Variants in TMEM156 observed in about 807,000 individuals in gnomAD.
The protein encoded by TMEM156 is transmembrane protein 156.
Under a neutral mutation model 30.5 loss-of-function variants are expected in TMEM156, and 28 were observed. That is an observed-to-expected ratio of 0.92 (90% CI 0.68 to 1.26). The LOEUF is 1.26. Ranked by LOEUF, TMEM156 falls within the 50% of genes most tolerant of loss-of-function variation. The probability of loss-of-function intolerance (pLI) is 0.00; values close to 1 mark genes in which losing one functional copy is unlikely to be tolerated. For missense variants in TMEM156, 351 were observed against 340.6 expected, an observed-to-expected ratio of 1.03 and a Z score of -0.24; for synonymous variants, 137 against 119.9, an observed-to-expected ratio of 1.14 and a Z score of -0.93.
intron 4 of TMEM156, among the ~76,000 whole-genome samples, chr4:38,987,104 A>T (rs1327492228): frequency 6.6e-6 from 1 of 152,130 alleles, no homozygotes; most frequent in East Asian, 1.9e-4. Flanking sequence ...CATTTTTTCT[A>T]GCTCACTTCT....
At chr4:39,026,350 T>C (rs1715201912) in intron 1 of TMEM156, among the ~76,000 whole-genome samples, 1 of 114,538 alleles carries the variant, frequency 8.7e-6, no homozygotes, top group African/African-American at 3.7e-5. Flanking sequence ...CCTGTCTCTC[T>C]TAAAAAATTT....
intron 5 of TMEM156, among the ~76,000 whole-genome samples, chr4:38,978,470 T>C (rs1474672298): frequency 6.6e-6 from 1 of 152,146 alleles, no homozygotes; most frequent in Non-Finnish European, 1.5e-5. Context: ...ACTCAACAAA[T>C]ATGGGCTGAA....
Position 38,971,110 on chromosome 4 carries a change from T to C in TMEM156, c.851A>G (p.Asp284Gly), listed in dbSNP as rs374997164. Residue 284 changes from aspartate (D) to glycine (G), a missense_variant, in exon 6 of 7, where the codon GAT (aspartate) becomes GGT (glycine). Asp to Gly is a moderately conservative substitution (Grantham distance 94). Coordinates refer to ENST00000381938, the MANE Select transcript of TMEM156 (RefSeq NM_024943.3). The part of the protein sequence containing the change: ...SAETTQRLPL[D>G]QVQEVLPPIP... ...TGGGGGAAGCACTTCCTGGACTTGA[T>C]CCAAAGGCAGCCTCTGCGTGGTCTC... The C allele has an allele frequency of 2.5e-6, 4 of 1,613,914 alleles. No individual in the cohort carries two copies. The highest frequency in any genetic ancestry group is 1.3e-5 in the African/African-American group (1 of 74,920).
At chr4:39,027,091 G>C (rs1715245332) in intron 1 of TMEM156, among the ~76,000 whole-genome samples, 1 of 152,102 alleles carries the variant, frequency 6.6e-6, no homozygotes, top group Non-Finnish European at 1.5e-5. Context: ...ACATTACTGT[G>C]AATTATTATT....
At chr4:38,992,003 G>A (rs35626836) in intron 3 of TMEM156, among the ~76,000 whole-genome samples, 53,757 of 151,964 alleles carry the variant, frequency 0.35, 10,249 homozygotes, top group East Asian at 0.65. Flanking sequence ...TTATAGGGCC[G>A]TGGGAAAACT....
intron 1 of TMEM156, among the ~76,000 whole-genome samples, chr4:39,011,644 A>T (rs4557268): frequency 0.78 from 117,847 of 151,586 alleles, 45,906 homozygotes; most frequent in South Asian, 0.87. Context: ...CATGGTGGCA[A>T]GGACCTGTAA....
intron 1 of TMEM156, among the ~76,000 whole-genome samples, chr4:39,023,816 T>C (rs907052793): frequency 6.6e-6 from 1 of 151,756 alleles, no homozygotes; most frequent in African/African-American, 2.4e-5. Flanking sequence ...ATAGCACCAC[T>C]GCACTCCAGC....
chr4:39,028,563 A>G (rs2254075), intron 1 of TMEM156: 107,451 of 152,076 alleles, frequency 0.71, 38,285 homozygotes, highest in African/African-American at 0.79. Context: ...CTCCTTGATC[A>G]AAGAGTTGTC....
rs539023578 is a variant in TMEM156 at position 38,997,621 on chromosome 4, G to A, written c.358+1019C>T. ...AGTAATAAATTTGATGTTTGGGCTT[G>A]AGGCCATCAGCATATTTTATGATTG... is the stretch of plus-strand genomic sequence containing the variant. On this transcript the variant is annotated intron_variant, in intron 2 of 6. Transcript: ENST00000381938. Among the ~76,000 whole-genome samples, 4 of 152,294 alleles carry A rather than the reference G, an allele frequency of 2.6e-5. No homozygotes were observed. In the South Asian group the frequency reaches 8.3e-4, roughly 32 times the overall value.
intron 5 of TMEM156, among the ~76,000 whole-genome samples, chr4:38,982,211 C>A (rs773438222): frequency 6.6e-6 from 1 of 152,198 alleles, no homozygotes; most frequent in Non-Finnish European, 1.5e-5. Flanking sequence ...TGCCTTGGAA[C>A]ATCGGATTCC....
chr4:38,988,767 A>G, intron 4 of TMEM156, 84 bp downstream of exon 4: 1 of 1,565,362 alleles, frequency 6.4e-7, no homozygotes. Context: ...GTAGGTGCAC[A>G]AGAAATGCTA....
At chr4:38,990,830 GTTTTTT>G (rs71304784) in intron 3 of TMEM156, among the ~76,000 whole-genome samples, 9 of 81,228 alleles carry the variant, frequency 1.1e-4, no homozygotes, top group African/African-American at 1.8e-4. Flanking sequence ...TTGTTTTCTG[GTTTTTT>G]TTTTTTTTTT....
Position 39,021,075 on chromosome 4 carries a change from T to G in TMEM156, c.88+11151A>C, listed in dbSNP as rs180838523. ...GATGATTAGCGATGTTGAGAATTTT[T>G]TCATATATGTATTGGCCATTTGTAT... On this transcript the variant is annotated intron_variant, in intron 1 of 6. Transcript: ENST00000381938. Among the ~76,000 whole-genome samples, 72 of 152,334 alleles carry G rather than the reference T, an allele frequency of 4.7e-4. 2 individuals carry two copies. In the South Asian group the frequency reaches 7.2e-3, roughly 15 times the overall value.
At chr4:38,994,704 T>C (rs1379294339) in intron 2 of TMEM156, among the ~76,000 whole-genome samples, 1 of 152,118 alleles carries the variant, frequency 6.6e-6, no homozygotes, top group Non-Finnish European at 1.5e-5. Context: ...TCCTAGCCCT[T>C]TAGGAGGCCG....
At chr4:38,992,694 T>TTA (rs1712568857) in intron 3 of TMEM156, among the ~76,000 whole-genome samples, 2 of 43,966 alleles carry the variant, frequency 4.5e-5, no homozygotes, top group African/African-American at 1.7e-4. Flanking sequence ...ATATAATATA[T>TTA]TATATAATAT....
intron 1 of TMEM156, among the ~76,000 whole-genome samples, chr4:39,002,664 G>C (rs1195382264): frequency 6.7e-6 from 1 of 149,586 alleles, no homozygotes; most frequent in Non-Finnish European, 1.5e-5. Flanking sequence ...ACTGGATTAA[G>C]AAAATGTGGC....
At chr4:38,982,463 A>G (rs1197660212) in intron 5 of TMEM156, among the ~76,000 whole-genome samples, 1 of 152,174 alleles carries the variant, frequency 6.6e-6, no homozygotes, top group Non-Finnish European at 1.5e-5. Flanking sequence ...GCCTTCTTTA[A>G]TAAAGTGGAA....
At chr4:39,012,918 C>T (rs1298503109) in intron 1 of TMEM156, among the ~76,000 whole-genome samples, 1 of 148,666 alleles carries the variant, frequency 6.7e-6, no homozygotes, top group African/African-American at 2.5e-5. Context: ...CCAGCCTGGG[C>T]AACAGATTGA....
At chr4:38,972,395 T>C (rs1318278800) in intron 5 of TMEM156, among the ~76,000 whole-genome samples, 1 of 151,312 alleles carries the variant, frequency 6.6e-6, no homozygotes. Context: ...GGATCACAGA[T>C]GTGTGCCACC....
Sources: gnomAD v4.1 joint callset for allele counts (sites outside exome capture counted in the v4.1 genomes callset) on GRCh38, gnomAD v4.1.1 for gene constraint, MANE v1.5 for transcripts, NCBI Gene and HGNC (gene_info 2026-07-23, HGNC 2026-07-21) for gene names.